The following DPYD variants were observed in gnomAD, a reference collection of about 807,000 sequenced individuals.
DPYD encodes the protein dihydropyrimidine dehydrogenase [NADP(+)].
In DPYD, 109 loss-of-function variants were observed where a neutral mutation model predicts 116.2. The observed-to-expected ratio is 0.94, with a 90% CI of 0.80 to 1.10. The LOEUF (loss-of-function observed/expected upper bound fraction) is 1.10, where lower values mean the gene tolerates loss of function less well. Ranked by LOEUF, DPYD falls within the 50% of genes least tolerant of loss-of-function variation. DPYD has a pLI of 0.00. For missense variants in DPYD, 1,302 were observed against 1,254.5 expected (o/e 1.04, Z -0.57); for synonymous variants, 440 against 432.0 (o/e 1.02, Z -0.23).
In DPYD at chr1:97,570,004, A is replaced by C. The variant is rs978643572; in HGVS notation, c.1339+3756T>G. Among the ~76,000 whole-genome samples, 3 of 152,110 alleles carry C rather than the reference A, an allele frequency of 2.0e-5. No individual in the cohort carries two copies. The East Asian group carries it at 5.8e-4, about 29-fold the overall frequency. On this transcript the variant is annotated intron_variant, in intron 11 of 22. Transcript: ENST00000370192. The stretch of plus-strand genomic sequence containing the variant: ...TAATCCCAAACTCTTATCCAAGTTT[A>C]TTTTATAAATGATATACTTATCTTT...
At chr1:97,194,799 G>A (rs984167292) in intron 19 of DPYD, among the ~76,000 whole-genome samples, 2 of 151,956 alleles carry the variant, frequency 1.3e-5, no homozygotes, top group African/African-American at 2.4e-5. Context: ...CACTGTGCCC[G>A]GCCTCAGGTA....
chr1:97,770,943 CAT>C (rs1473432905), intron 3 of DPYD, among the ~76,000 whole-genome samples: 13 of 152,180 alleles, frequency 8.5e-5, no homozygotes, highest in Admixed American at 5.9e-4. Context: ...GTTTATCTAA[CAT>C]ATGAAAAAAT....
At chr1:97,579,003 T>C (rs989781264) in intron 10 of DPYD, among the ~76,000 whole-genome samples, 1 of 152,244 alleles carries the variant, frequency 6.6e-6, no homozygotes, top group African/African-American at 2.4e-5. Flanking sequence ...GTTTGTTCGA[T>C]AGTAAACTCG....
intron 8 of DPYD, among the ~76,000 whole-genome samples, chr1:97,645,574 T>G (rs2100829848): frequency 6.6e-6 from 1 of 152,206 alleles, no homozygotes; most frequent in South Asian, 2.1e-4. Flanking sequence ...CTGTTTCTGT[T>G]TTTTTAATCT....
At chr1:97,146,923 A>C (rs1654672372) in intron 20 of DPYD, among the ~76,000 whole-genome samples, 1 of 152,230 alleles carries the variant, frequency 6.6e-6, no homozygotes. Context: ...TTTCAATGGC[A>C]AGGAAAATAA....
chr1:97,289,274 A>G (rs969801558), intron 18 of DPYD, among the ~76,000 whole-genome samples: 9 of 152,060 alleles, frequency 5.9e-5, no homozygotes, highest in Admixed American at 2.6e-4. Context: ...AGGAACTGGT[A>G]CCATTCCTTC....
At chr1:97,864,576 G>C (rs1187187721) in intron 2 of DPYD, among the ~76,000 whole-genome samples, 1 of 151,718 alleles carries the variant, frequency 6.6e-6, no homozygotes, top group Non-Finnish European at 1.5e-5. Context: ...CTTGATAAGA[G>C]AAAGCTTAAG....
At chr1:97,393,400 C>G (rs1672824469) in intron 14 of DPYD, among the ~76,000 whole-genome samples, 1 of 151,776 alleles carries the variant, frequency 6.6e-6, no homozygotes, top group African/African-American at 2.4e-5. Context: ...CCCATTAACT[C>G]GTCATTTACA....
chr1:97,914,397 A>T (rs112379142), intron 1 of DPYD, among the ~76,000 whole-genome samples: 266 of 152,312 alleles, frequency 1.7e-3, no homozygotes, highest in African/African-American at 6.2e-3. Context: ...AGCACATGGA[A>T]ATACAAGGGT....
chr1:97,490,903 A>G lies in DPYD; in HGVS notation c.1740+24823T>C, dbSNP rs559023685. Reference sequence around the variant, plus strand: ...TTTCACTAAATACTTATTTTACTACATTTGCTCTTCTGCAGTAAGCTACTG... The same window carrying G: ...TTTCACTAAATACTTATTTTACTACGTTTGCTCTTCTGCAGTAAGCTACTG... On this transcript the variant is annotated intron_variant, in intron 13 of 22. Transcript: ENST00000370192. 1.9e-4 allele frequency among the ~76,000 whole-genome samples: 29 copies of G among 150,706 alleles called. No individual in the cohort carries two copies. The South Asian group carries it at 5.8e-3, about 30-fold the overall frequency.
At chr1:97,564,759 T>C (rs1652399145) in intron 11 of DPYD, among the ~76,000 whole-genome samples, 2 of 152,186 alleles carry the variant, frequency 1.3e-5, no homozygotes, top group African/African-American at 4.8e-5. Flanking sequence ...ATATCTTGAT[T>C]CCAAATTTTC....
rs908503903 is a variant in DPYD at position 97,812,263 on chromosome 1, TAGCACCC to T, written c.233+15844_233+15850del. 4.6e-5 allele frequency among the ~76,000 whole-genome samples: 7 copies of T among 152,296 alleles called. No individual in the cohort carries two copies. The South Asian group carries it at 1.0e-3, about 23-fold the overall frequency. On this transcript the variant is annotated intron_variant, in intron 3 of 22. Coordinates refer to ENST00000370192, the MANE Select transcript of DPYD (RefSeq NM_000110.4). ...TTGAGGGCTGTTCATTCTTATACCT[TAGCACCC>T]AGCCTTGTGCCTGGTATTTGACAGG...
At chr1:97,267,494 T>A (rs1224082152) in intron 18 of DPYD, among the ~76,000 whole-genome samples, 1 of 152,088 alleles carries the variant, frequency 6.6e-6, no homozygotes, top group Non-Finnish European at 1.5e-5. Context: ...GGGGCCTGCA[T>A]CTGGTGAGAG....
chr1:97,845,937 A>T (rs968266066), intron 2 of DPYD, among the ~76,000 whole-genome samples: 2 of 152,258 alleles, frequency 1.3e-5, no homozygotes, highest in East Asian at 3.9e-4. Flanking sequence ...CAGTGCCTGG[A>T]GCTGCCCACC....
At chr1:97,707,796 A>G (rs182341786) in intron 5 of DPYD, among the ~76,000 whole-genome samples, 3 of 151,960 alleles carry the variant, frequency 2.0e-5, no homozygotes, top group African/African-American at 7.2e-5. Context: ...TTCCATCTGT[A>G]TATCTTTCTT....
intron 13 of DPYD, among the ~76,000 whole-genome samples, chr1:97,450,740 A>G (rs1391392115): frequency 6.6e-6 from 1 of 152,044 alleles, no homozygotes; most frequent in Non-Finnish European, 1.5e-5. Context: ...ACATTCTAAT[A>G]AACTGGTTAT....
At chr1:97,618,469 G>C (rs370342769) in intron 8 of DPYD, among the ~76,000 whole-genome samples, 8 of 150,976 alleles carry the variant, frequency 5.3e-5, no homozygotes, top group African/African-American at 2.0e-4. Context: ...TCCGCCTCCC[G>C]GGTTCAAGCA....
At chr1:97,686,443 T>C (rs529260938) in intron 7 of DPYD, among the ~76,000 whole-genome samples, 6 of 151,642 alleles carry the variant, frequency 4.0e-5, no homozygotes, top group African/African-American at 1.5e-4. Flanking sequence ...GAGACCATCC[T>C]GGCTAACACG....
intron 2 of DPYD, among the ~76,000 whole-genome samples, chr1:97,842,928 T>C (rs1670108544): frequency 6.6e-6 from 1 of 152,126 alleles, no homozygotes; most frequent in African/African-American, 2.4e-5. Flanking sequence ...GTTCTGCACT[T>C]GGTGGAGATG....
Sources: gnomAD v4.1 joint callset for allele counts (sites outside exome capture counted in the v4.1 genomes callset) on GRCh38, gnomAD v4.1.1 for gene constraint, MANE v1.5 for transcripts, NCBI Gene and HGNC (gene_info 2026-07-23, HGNC 2026-07-21) for gene names.